INPP4B: variants seen among roughly 807,000 people sequenced by gnomAD.
The protein encoded by INPP4B is inositol polyphosphate-4-phosphatase type II B.
A neutral mutation model predicts 122.5 loss-of-function variants in INPP4B; 55 were observed. The ratio of observed to expected loss-of-function variants is 0.45; its 90% confidence interval spans 0.36 to 0.56. The LOEUF (loss-of-function observed/expected upper bound fraction) is 0.56. INPP4B is among the 20% of genes least tolerant of loss of function. The pLI is 0.00. For missense variants in INPP4B, 1,000 were observed against 1,097.7 expected (o/e 0.91, Z 1.26); for synonymous variants, 403 against 388.7 (o/e 1.04, Z -0.43).
chr4:142,668,750 A>C (rs1032560013), intron 2 of INPP4B, among the ~76,000 whole-genome samples: 7 of 152,162 alleles, frequency 4.6e-5, no homozygotes, highest in African/African-American at 1.7e-4. Flanking sequence ...ATAACTACTA[A>C]AAAATAAAAT....
In INPP4B at chr4:142,027,321, T is replaced by TATCA. The variant is rs961097837; in HGVS notation, c.*1457_*1460dup. 6.6e-6 allele frequency: 1 copy of TATCA among 152,216 alleles called. No individual in the cohort carries two copies. Among genetic ancestry groups the TATCA allele is most frequent in the South Asian group, 2.1e-4 (1 of 4,834 alleles). The allele number at this position is 152,216 out of a possible 1,614,324, so 9.4% of individuals were successfully genotyped here. ...TCAACAGGAATCCTAGGCAAGGAGCTATCACATTAGCTATGGGAAGCATAA... is the reference window on the plus strand; with the variant it reads ...TCAACAGGAATCCTAGGCAAGGAGCTATCAATCACATTAGCTATGGGAAGCATAA... On this transcript the variant is annotated 3_prime_UTR_variant, in exon 26 of 26. Coordinates refer to ENST00000262992, the MANE Select transcript of INPP4B (RefSeq NM_001101669.3).
At chr4:142,543,542 T>C (rs1248040380) in intron 2 of INPP4B, among the ~76,000 whole-genome samples, 2 of 152,188 alleles carry the variant, frequency 1.3e-5, no homozygotes, top group Admixed American at 1.3e-4. Context: ...TTTTACTTCA[T>C]TGTAATATAA....
chr4:142,434,590 AT>A (rs1190053050), intron 3 of INPP4B, among the ~76,000 whole-genome samples: 1 of 152,158 alleles, frequency 6.6e-6, no homozygotes, highest in African/African-American at 2.4e-5. Flanking sequence ...CAAAGTGTGG[AT>A]AAAAAGGAAG....
intron 2 of INPP4B, among the ~76,000 whole-genome samples, chr4:142,559,771 T>C (rs1050934576): frequency 3.3e-5 from 5 of 152,200 alleles, no homozygotes; most frequent in African/African-American, 4.8e-5. Context: ...AATGTATAAA[T>C]TGAACATTCT....
intron 1 of INPP4B, among the ~76,000 whole-genome samples, chr4:142,773,941 A>C (rs1580882780): frequency 1.3e-5 from 2 of 151,680 alleles, no homozygotes; most frequent in Non-Finnish European, 2.9e-5. Context: ...GGCCTCAAGC[A>C]TCATTTTACC....
chr4:142,681,710 G>GA (rs1270561263), intron 2 of INPP4B, among the ~76,000 whole-genome samples: 1 of 151,702 alleles, frequency 6.6e-6, no homozygotes, highest in East Asian at 1.9e-4. Flanking sequence ...CGATGAAAGA[G>GA]AAAAAATAGC....
At chr4:142,702,730 C>CAAAAAAAA (rs35472471) in intron 2 of INPP4B, among the ~76,000 whole-genome samples, 4 of 64,326 alleles carry the variant, frequency 6.2e-5, no homozygotes, top group East Asian at 4.9e-4. Context: ...AACTCCGTCT[C>CAAAAAAAA]AAAAAAAAAA....
intron 10 of INPP4B, among the ~76,000 whole-genome samples, chr4:142,264,835 G>A (rs1741983346): frequency 6.6e-6 from 1 of 152,146 alleles, no homozygotes; most frequent in African/African-American, 2.4e-5. Context: ...CTATATTATG[G>A]AGGTAACTAA....
intron 1 of INPP4B, among the ~76,000 whole-genome samples, chr4:142,821,332 A>G (rs773308733): frequency 6.6e-6 from 1 of 152,026 alleles, no homozygotes; most frequent in Non-Finnish European, 1.5e-5. Flanking sequence ...TTAGTTTTCT[A>G]TTTTCTTACA....
intron 2 of INPP4B, among the ~76,000 whole-genome samples, chr4:142,702,158 C>T (rs1424354412): frequency 1.3e-5 from 2 of 151,730 alleles, no homozygotes; most frequent in African/African-American, 4.8e-5. Context: ...GCTTTCATGG[C>T]TTTGTCCTCT....
At chr4:142,832,761 C>CA (rs1337370149) in intron 1 of INPP4B, among the ~76,000 whole-genome samples, 1 of 151,694 alleles carries the variant, frequency 6.6e-6, no homozygotes, top group African/African-American at 2.4e-5. Flanking sequence ...TCTCTACTCC[C>CA]CCCCCGCATT....
At chr4:142,752,236 G>T (rs1340154316) in intron 1 of INPP4B, among the ~76,000 whole-genome samples, 1 of 152,066 alleles carries the variant, frequency 6.6e-6, no homozygotes, top group African/African-American at 2.4e-5. Flanking sequence ...GTTGTTCCCT[G>T]TGGAGAGCAG....
intron 2 of INPP4B, among the ~76,000 whole-genome samples, chr4:142,471,392 T>C (rs2149682177): frequency 6.6e-6 from 1 of 152,282 alleles, no homozygotes; most frequent in African/African-American, 2.4e-5. Flanking sequence ...GTTTGGTGGA[T>C]TTGGCTGTCC....
At chr4:142,809,179 A>G (rs1344300879) in intron 1 of INPP4B, among the ~76,000 whole-genome samples, 2 of 152,114 alleles carry the variant, frequency 1.3e-5, no homozygotes, top group Non-Finnish European at 2.9e-5. Flanking sequence ...ATTTTTATTT[A>G]AAAAGATGTA....
chr4:142,146,138 G>T, intron 17 of INPP4B, 142 bp from the exon 18 acceptor site: 2 of 872,708 alleles, frequency 2.3e-6, no homozygotes, highest in Non-Finnish European at 3.5e-6. Context: ...CATTAATTTG[G>T]TCAGACTATG....
At chr4:142,801,305 C>T (rs1243055347) in intron 1 of INPP4B, among the ~76,000 whole-genome samples, 1 of 152,300 alleles carries the variant, frequency 6.6e-6, no homozygotes, top group Non-Finnish European at 1.5e-5. Context: ...AAGCTCTAAT[C>T]CCCAGTCCCT....
rs1311748386 is a variant in INPP4B at position 142,804,465 on chromosome 4, T to C, written c.-254+41744A>G. Among the ~76,000 whole-genome samples the C allele has an allele frequency of 2.0e-5, 3 of 152,224 alleles. No individual in the cohort carries two copies. In the East Asian group the frequency reaches 5.8e-4, roughly 29 times the overall value. On this transcript the variant is annotated intron_variant, in intron 1 of 25. Coordinates refer to ENST00000262992, the MANE Select transcript of INPP4B (RefSeq NM_001101669.3). Reference sequence around the variant, plus strand: ...CCACAGGGTTGAATACTTCATCTCCTCCTTCATTGTTTCACTTAAGTGTCC... The same window carrying C: ...CCACAGGGTTGAATACTTCATCTCCCCCTTCATTGTTTCACTTAAGTGTCC...
At chr4:142,405,160 A>C in intron 6 of INPP4B, 46 bp downstream of exon 6, 3 of 226,674 alleles carry the variant, frequency 1.3e-5, no homozygotes, top group African/African-American at 3.5e-5. Context: ...CGAGCCAGCA[A>C]GAGAGAGAGA....
intron 25 of INPP4B, among the ~76,000 whole-genome samples, chr4:142,060,723 T>A (rs963649019): frequency 5.9e-5 from 9 of 152,178 alleles, no homozygotes; most frequent in African/African-American, 1.9e-4. Context: ...ACCCTGCCTG[T>A]CTGGAGTCCA....
Sources: allele counts gnomAD v4.1 joint callset (sites outside exome capture counted in the v4.1 genomes callset), GRCh38; gene constraint gnomAD v4.1.1; transcripts MANE v1.5; gene names NCBI Gene and HGNC (gene_info 2026-07-23, HGNC 2026-07-21).